The following SYNRG variants were observed in gnomAD, a reference collection of about 807,000 sequenced individuals.
SYNRG encodes AP1 gamma subunit binding protein 1.
SYNRG carries 37 observed loss-of-function variants against 130.9 expected under a neutral mutation model. The ratio of observed to expected loss-of-function variants is 0.28; its 90% confidence interval spans 0.22 to 0.37. The LOEUF is 0.37. Ranked by LOEUF, SYNRG falls within the 10% of genes least tolerant of loss-of-function variation. The probability of loss-of-function intolerance (pLI) is 1.00; values close to 1 mark genes in which losing one functional copy is unlikely to be tolerated. For synonymous variants in SYNRG, 539 were observed against 568.1 expected (o/e 0.95, Z 0.73); for missense variants, 1,338 against 1,588.9 (o/e 0.84, Z 2.68).
At chr17:37,554,256 T>C (rs778527348) in intron 13 of SYNRG, among the ~76,000 whole-genome samples, 197 bp from the exon 14 acceptor site, 15 of 152,196 alleles carry the variant, frequency 9.9e-5, no homozygotes, top group Non-Finnish European at 1.6e-4. Context: ...CTGAAATAAA[T>C]AGAAATCGAA....
intron 16 of SYNRG, among the ~76,000 whole-genome samples, chr17:37,539,468 G>A (rs1334058354): frequency 2.0e-5 from 3 of 152,084 alleles, no homozygotes; most frequent in Non-Finnish European, 2.9e-5. Context: ...TGCACTGGAC[G>A]CAAGCAATCC....
intron 19 of SYNRG, among the ~76,000 whole-genome samples, chr17:37,533,583 TTTTTC>T (rs1457786115): frequency 1.3e-5 from 2 of 150,490 alleles, no homozygotes; most frequent in Non-Finnish European, 1.5e-5. Flanking sequence ...CTTTCTTTTC[TTTTTC>T]TTTTTTTTTT....
intron 21 of SYNRG, among the ~76,000 whole-genome samples, chr17:37,519,574 A>C (rs532399539): frequency 4.1e-4 from 62 of 152,338 alleles, no homozygotes; most frequent in African/African-American, 1.5e-3. Flanking sequence ...AACAACTCTT[A>C]GGGTCTAATG....
In SYNRG at chr17:37,538,304, T is replaced by C. The variant is rs1299243646; in HGVS notation, c.3517+20A>G. On this transcript the variant is annotated intron_variant, in intron 18 of 21. Coordinates refer to ENST00000612223, the MANE Select transcript of SYNRG (RefSeq NM_007247.6). ...TGCAAAGGGCCATCATTTTCAATAG[T>C]AAAATATGAAAGAACATACCTAATA... 6.4e-7 allele frequency: 1 copy of C among 1,553,846 alleles called. No homozygotes were observed. Among genetic ancestry groups the C allele is most frequent in the Non-Finnish European group, 8.7e-7 (1 of 1,145,858 alleles).
intron 2 of SYNRG, among the ~76,000 whole-genome samples, chr17:37,600,030 T>C (rs1361399794): frequency 6.6e-6 from 1 of 152,190 alleles, no homozygotes; most frequent in Non-Finnish European, 1.5e-5. Flanking sequence ...GAGAAAGACA[T>C]CATTAAGTGA....
At chr17:37,534,051 C>T (rs9907006) in intron 19 of SYNRG, among the ~76,000 whole-genome samples, 17,184 of 148,990 alleles carry the variant, frequency 0.12, 1,482 homozygotes, top group African/African-American at 0.24. Context: ...TCTCCTGCCT[C>T]AGCCTCCTGA....
Position 37,609,382 on chromosome 17 carries a change from G to A in SYNRG, c.-27C>T. On this transcript the variant is annotated 5_prime_UTR_variant, in exon 1 of 22. Coordinates refer to ENST00000612223, the MANE Select transcript of SYNRG (RefSeq NM_007247.6). ...TTGCTCCCGACCTGCCGCTGCCTTC[G>A]CCGCCGCCACCTTATCAGCAGCTGT... The A allele has an allele frequency of 2.1e-6, 3 of 1,403,992 alleles. No homozygotes were observed. Among genetic ancestry groups the A allele is most frequent in the South Asian group, 3.0e-5 (2 of 66,706 alleles). The allele number at this position is 1,403,992 out of a possible 1,614,324, so 87.0% of individuals were successfully genotyped here.
At chr17:37,607,955 C>CAAAAA (rs67822733) in intron 1 of SYNRG, among the ~76,000 whole-genome samples, 2,095 of 50,782 alleles carry the variant, frequency 0.041, 175 homozygotes, top group East Asian at 0.067. Context: ...GACTTCCTCT[C>CAAAAA]AAAAAAAAAA....
chr17:37,599,363 T>C (rs1267443533), intron 2 of SYNRG, among the ~76,000 whole-genome samples: 1 of 152,160 alleles, frequency 6.6e-6, no homozygotes, highest in African/African-American at 2.4e-5. Flanking sequence ...CTAGAATTGA[T>C]ATTGGTGGGT....
At chr17:37,546,285 A>T (rs2058268873) in intron 14 of SYNRG, among the ~76,000 whole-genome samples, 1 of 152,190 alleles carries the variant, frequency 6.6e-6, no homozygotes, top group Non-Finnish European at 1.5e-5. Context: ...GGAAAAAGAA[A>T]ATGGAGAATG....
At chr17:37,586,071 G>T (rs965580525) in intron 4 of SYNRG, among the ~76,000 whole-genome samples, 1 of 152,078 alleles carries the variant, frequency 6.6e-6, no homozygotes, top group Non-Finnish European at 1.5e-5. Flanking sequence ...ACGGCTGACT[G>T]CAGCCTCAAC....
intron 7 of SYNRG, 67 bp from the exon 8 acceptor site, chr17:37,576,485 A>G (rs2060848902): frequency 6.8e-7 from 1 of 1,474,146 alleles, no homozygotes; most frequent in South Asian, 1.2e-5. Flanking sequence ...ACACTGAGTC[A>G]TGGTTTTTTA....
chr17:37,524,264 T>C (rs184941860), intron 19 of SYNRG, among the ~76,000 whole-genome samples: 2 of 152,334 alleles, frequency 1.3e-5, no homozygotes, highest in East Asian at 1.9e-4. Context: ...CACGTCGTTT[T>C]TGAGCAACAA....
Position 37,542,290 on chromosome 17 carries a change from G to A in SYNRG, c.2884C>T (p.Pro962Ser). The part of the protein sequence containing the change: ...SEDALPETTF[P>S]ALASFKDTIP... ...GTGTCTTTAAAACTGGCAAGAGCTG[G>A]GAAGGTGGTCTCTGGAAGAGCATCT... The change falls in exon 15 of 22, where the codon CCA becomes TCA. Residue 962 changes from proline to serine, a missense_variant. Coordinates refer to ENST00000612223, the MANE Select transcript of SYNRG (RefSeq NM_007247.6). 2 of 1,614,180 alleles carry A rather than the reference G, an allele frequency of 1.2e-6. No homozygotes were observed. Among genetic ancestry groups the A allele is most frequent in the South Asian group, 2.2e-5 (2 of 91,086 alleles).
At chr17:37,586,673 TTAAAAGATGCAAAGATGCAAATAAA>T in intron 3 of SYNRG, 124 bp from the exon 4 acceptor site, 1 of 1,113,376 alleles carries the variant, frequency 9.0e-7, no homozygotes, top group Non-Finnish European at 1.3e-6. Flanking sequence ...ATATATTGGA[TTAAAAGATGCAAAGATGCAAATAAA>T]TAAAAGATGC....
At chr17:37,590,987 A>C (rs1393158565) in intron 3 of SYNRG, among the ~76,000 whole-genome samples, 1 of 152,216 alleles carries the variant, frequency 6.6e-6, no homozygotes, top group Non-Finnish European at 1.5e-5. Context: ...GAGGAAGGAA[A>C]GTATTTTTCA....
At chr17:37,604,961 G>A (rs543689564) in intron 1 of SYNRG, among the ~76,000 whole-genome samples, 1 of 152,262 alleles carries the variant, frequency 6.6e-6, no homozygotes, top group African/African-American at 2.4e-5. Context: ...GGTTTGTGGT[G>A]CTCCAAAACA....
intron 2 of SYNRG, among the ~76,000 whole-genome samples, chr17:37,596,976 G>A (rs748161630): frequency 6.6e-6 from 1 of 152,090 alleles, no homozygotes; most frequent in Non-Finnish European, 1.5e-5. Flanking sequence ...TTGAACTCCT[G>A]ACCTCAACAC....
chr17:37,554,140 T>G, intron 13 of SYNRG, 81 bp from the exon 14 acceptor site: 1 of 1,313,066 alleles, frequency 7.6e-7, no homozygotes, highest in Non-Finnish European at 1.0e-6. Context: ...ACTGCAAGCA[T>G]AATTTTACTG....
Sources: gnomAD v4.1 joint callset for allele counts (sites outside exome capture counted in the v4.1 genomes callset) on GRCh38, gnomAD v4.1.1 for gene constraint, MANE v1.5 for transcripts, NCBI Gene and HGNC (gene_info 2026-07-23, HGNC 2026-07-21) for gene names.